COL19A1: variants seen among roughly 807,000 people sequenced by gnomAD.
The protein encoded by COL19A1 is collagen alpha-1(XIX) chain.
A neutral mutation model predicts 190.2 loss-of-function variants in COL19A1; 159 were observed. The observed-to-expected ratio is 0.84, with a 90% CI of 0.73 to 0.95. The LOEUF (loss-of-function observed/expected upper bound fraction) is 0.95. Among genes scored for constraint, COL19A1 ranks in the 40% least tolerant of loss-of-function variants. COL19A1 has a pLI of 0.00. For missense variants in COL19A1, 1,418 were observed against 1,431.9 expected, an observed-to-expected ratio of 0.99 and a Z score of 0.16; for synonymous variants, 509 against 458.9, an observed-to-expected ratio of 1.11 and a Z score of -1.39.
intron 12 of COL19A1, among the ~76,000 whole-genome samples, chr6:70,028,146 G>A (rs1193499006): frequency 6.6e-6 from 1 of 152,034 alleles, no homozygotes; most frequent in Non-Finnish European, 1.5e-5. Flanking sequence ...CAGGAGAAAA[G>A]GCATACAAAT....
intron 11 of COL19A1, among the ~76,000 whole-genome samples, chr6:69,974,928 T>C (rs1051441971): frequency 6.7e-6 from 1 of 148,214 alleles, no homozygotes; most frequent in Non-Finnish European, 1.5e-5. Flanking sequence ...TTTTCCTGCC[T>C]CAGCCTCCCG....
At chr6:70,059,111 A>G (rs9454952) in intron 14 of COL19A1, among the ~76,000 whole-genome samples, 2,204 of 152,218 alleles carry the variant, frequency 0.014, 41 homozygotes, top group South Asian at 0.049. Context: ...CCCTAGTAGT[A>G]GTTTAGAATT....
In COL19A1 at chr6:70,122,832, T is replaced by A. The variant is rs145807298; in HGVS notation, c.1341+890T>A. Among the ~76,000 whole-genome samples, 870 of 152,308 alleles carry A rather than the reference T, an allele frequency of 5.7e-3. 11 individuals carry two copies. The highest frequency in any genetic ancestry group is 0.02 in the African/African-American group (820 of 41,570). ...GACTAGCTAATTATAAAATCCCAGT[T>A]TCTCTCTCTTCAGAACAAGGTCAAC... On this transcript the variant is annotated intron_variant, in intron 17 of 50. Coordinates refer to ENST00000620364, the MANE Select transcript of COL19A1 (RefSeq NM_001858.6).
rs1265299129 is a variant in COL19A1, at chr6:70,023,660, G to T, written c.1060G>T (p.Ala354Ser). ...EQGEKGDPALAGLNGENGLKG... is the reference protein window; with the variant it reads ...EQGEKGDPALSGLNGENGLKG... ...AGGAGAAAAAGGAGATCCAGCTCTG[G>T]CTGGCCTTAATGGAGAAAATGTAAG... Residue 354 changes from alanine (A) to serine (S), a missense_variant, in exon 12 of 51, where the codon GCT becomes TCT. Coordinates refer to ENST00000620364, the MANE Select transcript of COL19A1 (RefSeq NM_001858.6). 1.2e-6 allele frequency: 2 copies of T among 1,610,800 alleles called. No individual in the cohort carries two copies. The highest frequency in any genetic ancestry group is 1.1e-5 in the South Asian group (1 of 90,292).
intron 19 of COL19A1, among the ~76,000 whole-genome samples, chr6:70,139,380 A>C (rs946314239): frequency 2.6e-5 from 4 of 151,972 alleles, no homozygotes; most frequent in Non-Finnish European, 5.9e-5. Flanking sequence ...AGGGCAGTCC[A>C]TGTATCTCAT....
At chr6:70,106,626 G>C (rs1257693631) in intron 16 of COL19A1, among the ~76,000 whole-genome samples, 1 of 152,158 alleles carries the variant, frequency 6.6e-6, no homozygotes, top group Non-Finnish European at 1.5e-5. Context: ...CAGAGTGCTT[G>C]TCATTGAACA....
chr6:70,149,584 T>C, intron 27 of COL19A1, 120 bp from the exon 28 acceptor site: 1 of 1,247,794 alleles, frequency 8.0e-7, no homozygotes, highest in East Asian at 2.5e-5. Context: ...TCCACGTGTG[T>C]ACGGTGGCAA....
At chr6:69,934,079 G>A (rs926434521) in intron 7 of COL19A1, among the ~76,000 whole-genome samples, 1 of 151,940 alleles carries the variant, frequency 6.6e-6, no homozygotes, top group African/African-American at 2.4e-5. Context: ...CTCACTTTGG[G>A]TAGTGAAATA....
chr6:70,125,667 A>G (rs1785153237), intron 17 of COL19A1, among the ~76,000 whole-genome samples: 1 of 152,188 alleles, frequency 6.6e-6, no homozygotes, highest in Non-Finnish European at 1.5e-5. Context: ...GAAGATGGAT[A>G]TGAGTGTGTT....
chr6:69,922,081 C>T (rs954599225), intron 4 of COL19A1, among the ~76,000 whole-genome samples: 2 of 151,904 alleles, frequency 1.3e-5, no homozygotes, highest in Non-Finnish European at 2.9e-5. Flanking sequence ...TTCTGTGTCA[C>T]GTTAAGTGTT....
chr6:69,981,894 T>C (rs1776054118), intron 11 of COL19A1, among the ~76,000 whole-genome samples: 1 of 152,116 alleles, frequency 6.6e-6, no homozygotes, highest in African/African-American at 2.4e-5. Flanking sequence ...AAATTACAAA[T>C]ATATTTTAGG....
chr6:70,128,199 G>A (rs1213000133), intron 17 of COL19A1, among the ~76,000 whole-genome samples: 1 of 152,150 alleles, frequency 6.6e-6, no homozygotes, highest in East Asian at 1.9e-4. Context: ...AGATATATGG[G>A]TCTAAAATTC....
chr6:70,043,847 C>T (rs1779763289), intron 14 of COL19A1, among the ~76,000 whole-genome samples: 1 of 152,144 alleles, frequency 6.6e-6, no homozygotes, highest in East Asian at 1.9e-4. Context: ...ACCTTAAAGT[C>T]ACAAACTGTA....
chr6:70,082,632 A>T (rs1205997719), intron 15 of COL19A1, among the ~76,000 whole-genome samples: 1 of 152,180 alleles, frequency 6.6e-6, no homozygotes, highest in Non-Finnish European at 1.5e-5. Context: ...GCCGGTCTCG[A>T]ACTCCTGACC....
intron 15 of COL19A1, among the ~76,000 whole-genome samples, chr6:70,096,032 A>G (rs942719172): frequency 2.6e-5 from 4 of 151,576 alleles, no homozygotes; most frequent in Non-Finnish European, 5.9e-5. Context: ...ACTGTTTCCA[A>G]TTGTTGGAGT....
intron 11 of COL19A1, among the ~76,000 whole-genome samples, chr6:69,985,980 T>C (rs1432043961): frequency 6.6e-6 from 1 of 151,996 alleles, no homozygotes. Context: ...ACATATATTC[T>C]TCATGTCATA....
At chr6:69,876,498 TC>T (rs139371362) in intron 1 of COL19A1, among the ~76,000 whole-genome samples, 4,477 of 152,280 alleles carry the variant, frequency 0.029, 231 homozygotes, top group African/African-American at 0.1. Flanking sequence ...AATTATAATA[TC>T]AGGTACCTTT....
chr6:70,172,025 C>T lies in COL19A1; in HGVS notation c.2622+8C>T. 1 of 1,608,558 alleles carries T rather than the reference C, an allele frequency of 6.2e-7. No individual in the cohort carries two copies. Among genetic ancestry groups the T allele is most frequent in the Non-Finnish European group, 8.5e-7 (1 of 1,178,282 alleles). On this transcript the variant is annotated splice_region_variant and intron_variant, in intron 41 of 50. Transcript: ENST00000620364. Reference sequence around the variant, plus strand: ...GGATTTCCAGGTGTAAAGGTAAGCACAGAAGTTAGAAATGTGTTCATTTAT... The same window carrying T: ...GGATTTCCAGGTGTAAAGGTAAGCATAGAAGTTAGAAATGTGTTCATTTAT...
At chr6:70,192,754 A>T (rs1421483947) in intron 48 of COL19A1, among the ~76,000 whole-genome samples, 2 of 152,220 alleles carry the variant, frequency 1.3e-5, no homozygotes, top group African/African-American at 2.4e-5. Flanking sequence ...TAAAGCCGTA[A>T]ACTAAACATG....
Sources: allele counts gnomAD v4.1 joint callset (sites outside exome capture counted in the v4.1 genomes callset), GRCh38; gene constraint gnomAD v4.1.1; transcripts MANE v1.5; gene names NCBI Gene and HGNC (gene_info 2026-07-23, HGNC 2026-07-21).